The following TMOD1 variants were observed in gnomAD, a reference collection of about 807,000 sequenced individuals.
TMOD1 encodes the protein tropomodulin 1, also known as tropomodulin-1.
Under a neutral mutation model 40.6 loss-of-function variants are expected in TMOD1, and 17 were observed. The observed-to-expected ratio is 0.42, with a 90% confidence interval of 0.29 to 0.63. The LOEUF (loss-of-function observed/expected upper bound fraction) is 0.63. Among genes scored for constraint, TMOD1 ranks in the 20% least tolerant of loss-of-function variants. TMOD1 has a pLI of 0.22. For missense variants in TMOD1, 391 were observed against 447.6 expected (o/e 0.87, Z 1.14); for synonymous variants, 181 against 175.0 (o/e 1.03, Z -0.27).
chr9:97,562,866 T>G (rs1830662339), intron 5 of TMOD1, 45 bp downstream of exon 5: 1 of 1,469,592 alleles, frequency 6.8e-7, no homozygotes, highest in African/African-American at 1.4e-5. Flanking sequence ...GCTTCTTGCT[T>G]CCTCCACTCA....
intron 4 of TMOD1, 128 bp downstream of exon 4, chr9:97,553,528 G>A: frequency 7.5e-7 from 1 of 1,331,210 alleles, no homozygotes; most frequent in Non-Finnish European, 1.0e-6. Context: ...AGGAGACCGA[G>A]AGTGTTCAAA....
chr9:97,541,638 C>G (rs552577044), intron 2 of TMOD1, among the ~76,000 whole-genome samples: 1 of 151,736 alleles, frequency 6.6e-6, no homozygotes, highest in African/African-American at 2.4e-5. Context: ...GTCTCAGCCT[C>G]CTGAGTAGCT....
Position 97,513,032 on chromosome 9 carries a change from T to C in TMOD1, c.-48-11109T>C, listed in dbSNP as rs1829730651. On this transcript the variant is annotated intron_variant, in intron 1 of 9. Coordinates refer to ENST00000259365, the MANE Select transcript of TMOD1 (RefSeq NM_003275.4). This position sits in a 1 kb window ranked among gnomAD's most constrained non-coding sequence, Gnocchi z 4.1. ...GCTCCAGCATAAAACCAAGCAAGACTGTCATTGCCCTTACTTTGGCACTAC... is the reference window on the plus strand; with the variant it reads ...GCTCCAGCATAAAACCAAGCAAGACCGTCATTGCCCTTACTTTGGCACTAC... The C allele has an allele frequency of 6.6e-6, 1 of 152,116 alleles. No individual in the cohort carries two copies. Among genetic ancestry groups the C allele is most frequent in the Non-Finnish European group, 1.5e-5 (1 of 68,006 alleles). 9.4% of individuals were successfully genotyped at this position (152,116 alleles called of 1,614,324 possible).
chr9:97,599,889 T>TTTTC lies in TMOD1; in HGVS notation c.*195_*198dup, dbSNP rs1315961015. ...TTATAAAATACCGTTAATGTGAAGT[T>TTTTC]TTTCTTTAGTCACAGAAGTTGAATC... is the stretch of plus-strand genomic sequence containing the variant. On this transcript the variant is annotated 3_prime_UTR_variant, in exon 10 of 10. Transcript: ENST00000259365. 7.3e-7 allele frequency: 1 copy of TTTTC among 1,369,406 alleles called. No individual in the cohort carries two copies. Among genetic ancestry groups the TTTTC allele is most frequent in the East Asian group, 2.8e-5 (1 of 35,748 alleles). 84.8% of individuals were successfully genotyped at this position (1,369,406 alleles called of 1,614,324 possible).
chr9:97,552,020 T>G (rs929018500), intron 3 of TMOD1, among the ~76,000 whole-genome samples: 3 of 152,244 alleles, frequency 2.0e-5, no homozygotes. Context: ...AATTTTTGTA[T>G]GTTGATCTTG....
At chr9:97,574,322 C>G (rs933886763) in intron 8 of TMOD1, among the ~76,000 whole-genome samples, 5 of 151,996 alleles carry the variant, frequency 3.3e-5, no homozygotes, top group Non-Finnish European at 7.4e-5. Context: ...AGCGGCCGGC[C>G]GACCCCGCCG....
chr9:97,552,756 CTA>C (rs759043956), intron 3 of TMOD1, among the ~76,000 whole-genome samples: 5 of 152,202 alleles, frequency 3.3e-5, no homozygotes, highest in African/African-American at 1.2e-4. Flanking sequence ...TCACCAGTTC[CTA>C]TGGGTGGGCA....
At chr9:97,519,693 C>T (rs1379090106) in intron 1 of TMOD1, among the ~76,000 whole-genome samples, 3 of 152,206 alleles carry the variant, frequency 2.0e-5, no homozygotes, top group Non-Finnish European at 4.4e-5. Flanking sequence ...CAGAGGTGCT[C>T]ATTCCCCATT....
intron 2 of TMOD1, among the ~76,000 whole-genome samples, chr9:97,543,014 T>G (rs1046453357): frequency 6.6e-6 from 1 of 152,164 alleles, no homozygotes; most frequent in Non-Finnish European, 1.5e-5. Flanking sequence ...AACAAGGAAG[T>G]GTCCAGCCCA....
Position 97,600,012 on chromosome 9 carries a change from T to A in TMOD1, c.*314T>A. 1.7e-6 allele frequency: 2 copies of A among 1,153,984 alleles called. No individual in the cohort carries two copies. Among genetic ancestry groups the A allele is most frequent in the Non-Finnish European group, 2.2e-6 (2 of 929,426 alleles). 71.5% of individuals were successfully genotyped at this position (1,153,984 alleles called of 1,614,324 possible). A position where few individuals can be genotyped will look rare whatever the true frequency, so the allele number is the denominator to read the frequency against. Reference sequence around the variant, plus strand: ...CTTAGCCCCAGGAGCCCAGTTTCAATGGCCTTGCTGTGTGGTGTTTCAAGT... The same window carrying A: ...CTTAGCCCCAGGAGCCCAGTTTCAAAGGCCTTGCTGTGTGGTGTTTCAAGT... On this transcript the variant is annotated 3_prime_UTR_variant, in exon 10 of 10. Coordinates refer to ENST00000259365, the MANE Select transcript of TMOD1 (RefSeq NM_003275.4).
chr9:97,555,809 C>A, intron 4 of TMOD1: 1 of 1,011,974 alleles, frequency 9.9e-7, no homozygotes, highest in Non-Finnish European at 1.5e-6. Flanking sequence ...AGAAAGTAGG[C>A]AAGGTGTGGT....
At chr9:97,533,422 C>G (rs545309417) in intron 2 of TMOD1, among the ~76,000 whole-genome samples, 1 of 152,342 alleles carries the variant, frequency 6.6e-6, no homozygotes, top group South Asian at 2.1e-4. Context: ...GCCACAGATA[C>G]AGTGCAGCCA....
chr9:97,558,068 A>G (rs1830561489), intron 4 of TMOD1, among the ~76,000 whole-genome samples: 1 of 152,204 alleles, frequency 6.6e-6, no homozygotes, highest in Non-Finnish European at 1.5e-5. Context: ...TACTAGCCCC[A>G]GGCATTCTGC....
chr9:97,528,935 T>A (rs148126664), intron 2 of TMOD1, among the ~76,000 whole-genome samples: 1 of 152,250 alleles, frequency 6.6e-6, no homozygotes. Context: ...TTTGAAAATA[T>A]TAACTTATTT....
At chr9:97,575,192 C>G (rs113960559) in intron 8 of TMOD1, among the ~76,000 whole-genome samples, 22,700 of 151,888 alleles carry the variant, frequency 0.15, 2,085 homozygotes, top group Middle Eastern at 0.35. Flanking sequence ...CTGAAGCCAT[C>G]GAGACCACGA....
At chr9:97,556,561 C>A (rs1005832622) in intron 4 of TMOD1, among the ~76,000 whole-genome samples, 1 of 152,198 alleles carries the variant, frequency 6.6e-6, no homozygotes, top group Non-Finnish European at 1.5e-5. Context: ...ACATTTCCAT[C>A]AGCTCAGCTC....
chr9:97,591,050 G>T (rs549574215), intron 8 of TMOD1, among the ~76,000 whole-genome samples: 1 of 152,158 alleles, frequency 6.6e-6, no homozygotes, highest in Non-Finnish European at 1.5e-5. Flanking sequence ...AGAGGCTGTT[G>T]TAAAGCAGTG....
At chr9:97,515,500 G>A (rs529896175) in intron 1 of TMOD1, among the ~76,000 whole-genome samples, 49 of 151,858 alleles carry the variant, frequency 3.2e-4, no homozygotes, top group African/African-American at 1.1e-3. Context: ...GGCTGTTCTC[G>A]AACTCCTGAG....
chr9:97,535,132 G>A (rs1020962578), intron 2 of TMOD1, among the ~76,000 whole-genome samples: 8 of 152,172 alleles, frequency 5.3e-5, no homozygotes, highest in South Asian at 2.1e-4. Flanking sequence ...TCAAGAATTC[G>A]TAGGTCAGGG....
Sources: gnomAD v4.1 joint callset for allele counts (sites outside exome capture counted in the v4.1 genomes callset) on GRCh38, gnomAD v4.1.1 for gene constraint, Gnocchi (gnomAD v3.1) non-coding constraint, MANE v1.5 for transcripts, NCBI Gene and HGNC (gene_info 2026-07-23, HGNC 2026-07-21) for gene names.